Variants in BLK observed in about 807,000 individuals in gnomAD.
BLK encodes tyrosine-protein kinase Blk.
A neutral mutation model predicts 61.8 loss-of-function variants in BLK; 64 were observed. The ratio of observed to expected loss-of-function variants is 1.03; its 90% CI spans 0.85 to 1.27. BLK has a LOEUF of 1.27. BLK is among the 50% of genes most tolerant of loss of function. The pLI is 0.00. For synonymous variants in BLK, 351 were observed against 272.0 expected, an observed-to-expected ratio of 1.29 and a Z score of -2.86; for missense variants, 853 against 660.5, an observed-to-expected ratio of 1.29 and a Z score of -3.19.
intron 1 of BLK, among the ~76,000 whole-genome samples, chr8:11,496,566 C>T (rs1369107685): frequency 6.6e-6 from 1 of 152,198 alleles, no homozygotes; most frequent in African/African-American, 2.4e-5. Context: ...TGAGCCTTTG[C>T]TCTGTGGCAG....
chr8:11,527,769 T>G (rs2264871), intron 1 of BLK, among the ~76,000 whole-genome samples: 2,542 of 149,840 alleles, frequency 0.017, 44 homozygotes, highest in African/African-American at 0.045. Flanking sequence ...TGCACAAGTC[T>G]GGGTGTAAAA....
intron 1 of BLK, among the ~76,000 whole-genome samples, chr8:11,496,137 C>G (rs1405555814): frequency 6.6e-6 from 1 of 152,178 alleles, no homozygotes; most frequent in African/African-American, 2.4e-5. Context: ...CTACCTGATT[C>G]CAGAATAGCT....
intron 8 of BLK, 66 bp from the exon 9 acceptor site, chr8:11,556,592 G>A (rs1232080047): frequency 6.2e-7 from 1 of 1,607,150 alleles, no homozygotes; most frequent in Non-Finnish European, 8.5e-7. Flanking sequence ...CCCGATTTTG[G>A]TTAAGGGATC....
chr8:11,550,072 G>T (rs1358464141), intron 5 of BLK, 87 bp from the exon 6 acceptor site: 2 of 1,179,254 alleles, frequency 1.7e-6, no homozygotes, highest in African/African-American at 1.5e-5. Context: ...TATTTCTTGG[G>T]GACAGGCAGT....
chr8:11,513,442 C>T (rs1291002785), intron 1 of BLK, among the ~76,000 whole-genome samples: 1 of 152,166 alleles, frequency 6.6e-6, no homozygotes, highest in Non-Finnish European at 1.5e-5. Flanking sequence ...CATGAGAGTG[C>T]CAGGGCTGGA....
intron 1 of BLK, among the ~76,000 whole-genome samples, chr8:11,508,195 C>T (rs940774119): frequency 6.6e-6 from 1 of 152,210 alleles, no homozygotes. Flanking sequence ...CATTAACCAC[C>T]GCCTCTGCCA....
intron 2 of BLK, among the ~76,000 whole-genome samples, chr8:11,545,138 C>T (rs998356569): frequency 1.3e-5 from 2 of 152,336 alleles, no homozygotes; most frequent in South Asian, 2.1e-4. Context: ...CTCCGTGTTA[C>T]GCATGTGAAA....
chr8:11,503,909 G>A (rs548377700), intron 1 of BLK, among the ~76,000 whole-genome samples: 1 of 152,290 alleles, frequency 6.6e-6, no homozygotes, highest in East Asian at 1.9e-4. Context: ...TGTCCTGTGG[G>A]AACTAGCAAG....
chr8:11,561,193 AC>A (rs749682738), intron 10 of BLK, 108 bp from the exon 11 acceptor site: 3 of 1,461,450 alleles, frequency 2.1e-6, no homozygotes, highest in Non-Finnish European at 2.8e-6. Context: ...CATCCAAGAA[AC>A]AGCTCCTTCC....
chr8:11,524,918 C>T (rs76027538), intron 1 of BLK, among the ~76,000 whole-genome samples: 1 of 128,042 alleles, frequency 7.8e-6, no homozygotes, highest in Non-Finnish European at 1.7e-5. Flanking sequence ...TGCTTTTTTA[C>T]AAAAAAAAAA....
chr8:11,523,984 T>C (rs1342264050), intron 1 of BLK, among the ~76,000 whole-genome samples: 2 of 152,202 alleles, frequency 1.3e-5, no homozygotes, highest in Non-Finnish European at 2.9e-5. Context: ...ATGTGCATAT[T>C]CTTAAACACC....
intron 6 of BLK, chr8:11,552,986 GCAAACA>G (rs1800984619): frequency 6.4e-6 from 1 of 156,178 alleles, no homozygotes; most frequent in African/African-American, 2.4e-5. Context: ...ACATACACAT[GCAAACA>G]CATACACATG....
chr8:11,496,730 GC>G (rs1798371919), intron 1 of BLK, among the ~76,000 whole-genome samples: 1 of 152,202 alleles, frequency 6.6e-6, no homozygotes. Flanking sequence ...GAGGACCCAG[GC>G]CCCTGGGGGA....
At chr8:11,546,830 C>A (rs771277361) in intron 3 of BLK, among the ~76,000 whole-genome samples, 3 of 152,234 alleles carry the variant, frequency 2.0e-5, no homozygotes, top group Non-Finnish European at 2.9e-5. Flanking sequence ...CCCGCCTCAG[C>A]CTCTCAAAGT....
rs1025009737 is a variant in BLK at position 11,562,871 on chromosome 8, C to G, written c.1181-108C>G. ...CTGGCCGCCCCGCCCTGTGAGGCCC[C>G]GCAGTGGGGGCTTGATGGAAGGACA... On this transcript the variant is annotated intron_variant, in intron 11 of 12. Transcript: ENST00000259089. 3.3e-6 allele frequency: 5 copies of G among 1,525,130 alleles called. No homozygotes were observed. In the African/African-American group the frequency reaches 4.1e-5, roughly 13 times the overall value. The allele number at this position is 1,525,130 out of a possible 1,614,324, so 94.5% of individuals were successfully genotyped here.
intron 9 of BLK, 69 bp downstream of exon 9, chr8:11,556,906 G>T (rs915737027): frequency 6.4e-7 from 1 of 1,555,728 alleles, no homozygotes; most frequent in South Asian, 1.2e-5. Flanking sequence ...GAGGAGGAGG[G>T]TCCGCTGCGG....
rs116288328 is a variant in BLK, at chr8:11,508,755, C to T, written c.-2+14164C>T. On this transcript the variant is annotated intron_variant, in intron 1 of 12. Transcript: ENST00000259089. ...CCACTGTAGTGTCAGCTGTGTGCAC[C>T]CATCTCTCCTTCTGACCCAAACGCA... Among the ~76,000 whole-genome samples the T allele has an allele frequency of 4.0e-3, 608 of 152,292 alleles. 4 individuals carry two copies. The highest frequency in any genetic ancestry group is 0.013 in the African/African-American group (558 of 41,544).
In BLK at chr8:11,564,522, C is replaced by G; in HGVS notation, c.*414C>G. The G allele has an allele frequency of 2.0e-6, 1 of 489,406 alleles. No individual in the cohort carries two copies. The highest frequency in any genetic ancestry group is 4.0e-6 in the Non-Finnish European group (1 of 249,106). 30.3% of individuals were successfully genotyped at this position (489,406 alleles called of 1,614,324 possible). A position where few individuals can be genotyped will look rare whatever the true frequency, so the allele number is the denominator to read the frequency against. ...CAGAAGCCAGACTGGGTCCCGCGGA[C>G]GCCAGCAGGGGCAGCCCCAGCCTAG... is the stretch of plus-strand genomic sequence containing the variant. On this transcript the variant is annotated 3_prime_UTR_variant, in exon 13 of 13. Coordinates refer to ENST00000259089, the MANE Select transcript of BLK (RefSeq NM_001715.3).
chr8:11,563,373 C>T (rs978089762), intron 12 of BLK, among the ~76,000 whole-genome samples: 2 of 152,252 alleles, frequency 1.3e-5, no homozygotes, highest in South Asian at 4.1e-4. Flanking sequence ...CACATCCGAA[C>T]TCAAGTTTAC....
Sources: gnomAD v4.1 joint callset for allele counts (sites outside exome capture counted in the v4.1 genomes callset) on GRCh38, gnomAD v4.1.1 for gene constraint, MANE v1.5 for transcripts, NCBI Gene and HGNC (gene_info 2026-07-23, HGNC 2026-07-21) for gene names.